Variants in LRIG1 observed in about 807,000 individuals in gnomAD.
LRIG1 encodes the protein leucine rich repeats and immunoglobulin like domains 1, also known as leucine-rich repeats and immunoglobulin-like domains protein 1.
In LRIG1, 48 loss-of-function variants were observed where a neutral mutation model predicts 99.2. The observed-to-expected ratio is 0.48, with a 90% CI of 0.38 to 0.62. The LOEUF is 0.62. Ranked by LOEUF, LRIG1 falls within the 20% of genes least tolerant of loss-of-function variation. LRIG1 has a pLI of 0.00. For synonymous variants in LRIG1, 772 were observed against 596.1 expected (o/e 1.29, Z -4.30); for missense variants, 1,646 against 1,434.4 (o/e 1.15, Z -2.38).
At position 66,423,753 on chromosome 3, in the gene LRIG1, T is replaced by C. The variant is rs528917316; in HGVS notation, c.366-6487A>G. On this transcript the variant is annotated intron_variant, in intron 3 of 18. Transcript: ENST00000273261. ...GAACAATATGCCTTGAGTGTCTTCC[T>C]GCCCAGGTTCAAATCCCAGCTATCC... Among the ~76,000 whole-genome samples, 10 of 152,322 alleles carry C rather than the reference T, an allele frequency of 6.6e-5. No individual in the cohort carries two copies. The East Asian group carries it at 1.5e-3, about 24-fold the overall frequency.
intron 1 of LRIG1, among the ~76,000 whole-genome samples, chr3:66,491,093 A>G (rs1043125247): frequency 6.6e-6 from 1 of 151,984 alleles, no homozygotes; most frequent in Admixed American, 6.5e-5. Context: ...GGGTTCCAGG[A>G]ACCTAGTTCT....
Position 66,381,506 on chromosome 3 carries a change from C to G in LRIG1, c.2743G>C (p.Glu915Gln). The part of the protein sequence containing the change: ...KEPWKAMEKA[E>Q]GTPGPHKMEH... ...ATCTTATGTGGCCCAGGTGTCCCTTCAGCTTTCTCCATCGCTTTCCACGGC... is the reference window on the plus strand; with the variant it reads ...ATCTTATGTGGCCCAGGTGTCCCTTGAGCTTTCTCCATCGCTTTCCACGGC... Residue 915 changes from glutamate (E) to glutamine (Q), a missense_variant, in exon 17 of 19, where the codon GAA (glutamate) becomes CAA (glutamine). Transcript: ENST00000273261. 1 of 1,614,002 alleles carries G rather than the reference C, an allele frequency of 6.2e-7. No homozygotes were observed. The highest frequency in any genetic ancestry group is 1.6e-4 in the Middle Eastern group (1 of 6,062).
intron 1 of LRIG1, among the ~76,000 whole-genome samples, chr3:66,475,071 A>C (rs1255212071): frequency 6.6e-6 from 1 of 152,204 alleles, no homozygotes; most frequent in Non-Finnish European, 1.5e-5. Flanking sequence ...GGTCATACCA[A>C]ATTGAGACAT....
intron 3 of LRIG1, among the ~76,000 whole-genome samples, chr3:66,435,080 C>T (rs1277027519): frequency 6.9e-6 from 1 of 145,802 alleles, no homozygotes; most frequent in Non-Finnish European, 1.5e-5. Flanking sequence ...TACGGCACAT[C>T]CATATTATGG....
intron 2 of LRIG1, among the ~76,000 whole-genome samples, chr3:66,454,631 G>C (rs1230442995): frequency 1.3e-5 from 2 of 152,120 alleles, no homozygotes; most frequent in African/African-American, 4.8e-5. Context: ...GGATTAAGAA[G>C]TGCCTCAGAT....
chr3:66,407,532 T>A, intron 7 of LRIG1, 41 bp from the exon 8 acceptor site: 2 of 1,605,830 alleles, frequency 1.2e-6, no homozygotes, highest in Non-Finnish European at 1.7e-6. Flanking sequence ...TCTAGTGTGG[T>A]TGCCCCCCAA....
intron 3 of LRIG1, among the ~76,000 whole-genome samples, chr3:66,427,158 G>A (rs1290122661): frequency 1.3e-5 from 2 of 152,226 alleles, no homozygotes; most frequent in Admixed American, 6.5e-5. Context: ...ACACCCTGCA[G>A]CACTCTGCCC....
intron 3 of LRIG1, among the ~76,000 whole-genome samples, chr3:66,438,179 C>T (rs1018081458): frequency 3.3e-5 from 5 of 152,156 alleles, no homozygotes; most frequent in African/African-American, 1.2e-4. Context: ...GATTTGGCAC[C>T]GGACCCGAAG....
chr3:66,478,378 G>C (rs140016295), intron 1 of LRIG1, among the ~76,000 whole-genome samples: 1 of 152,136 alleles, frequency 6.6e-6, no homozygotes, highest in Non-Finnish European at 1.5e-5. Context: ...GGAGTTTCAG[G>C]GACATGAGAA....
intron 10 of LRIG1, among the ~76,000 whole-genome samples, chr3:66,398,512 A>C (rs771525340): frequency 2.6e-5 from 4 of 152,220 alleles, no homozygotes; most frequent in Admixed American, 6.5e-5. Flanking sequence ...CAACAGCATG[A>C]CTGTCTCGGG....
In LRIG1 at chr3:66,394,296, T is replaced by C. The variant is rs1701756221; in HGVS notation, c.1305-93A>G. ...CAATGATCAGTCGCCTCCAATCAGC[T>C]TCTCAAGTGAACATCAGCAAGCTGG... On this transcript the variant is annotated intron_variant, in intron 11 of 18. Coordinates refer to ENST00000273261, the MANE Select transcript of LRIG1 (RefSeq NM_015541.3). The C allele has an allele frequency of 2.7e-6, 3 of 1,114,014 alleles. No homozygotes were observed. The Admixed American group carries it at 9.2e-5, about 34-fold the overall frequency. 69.0% of individuals were successfully genotyped at this position (1,114,014 alleles called of 1,614,324 possible). A position where few individuals can be genotyped will look rare whatever the true frequency, so the allele number is the denominator to read the frequency against.
At chr3:66,477,073 A>G (rs1474225844) in intron 1 of LRIG1, among the ~76,000 whole-genome samples, 1 of 152,224 alleles carries the variant, frequency 6.6e-6, no homozygotes, top group East Asian at 1.9e-4. Flanking sequence ...GGGTGTGGTC[A>G]GTTTTATTTT....
intron 1 of LRIG1, among the ~76,000 whole-genome samples, chr3:66,482,373 T>A (rs1575726669): frequency 6.6e-6 from 1 of 152,224 alleles, no homozygotes; most frequent in Non-Finnish European, 1.5e-5. Context: ...TGTACTGGGC[T>A]GAGCATCAAC....
At chr3:66,409,988 G>T in intron 7 of LRIG1, 141 bp downstream of exon 7, 2 of 795,248 alleles carry the variant, frequency 2.5e-6, no homozygotes, top group Non-Finnish European at 3.9e-6. Context: ...CCCTGGGCCT[G>T]GCTGGTTTGG....
chr3:66,494,805 C>T (rs1366668845), intron 1 of LRIG1, among the ~76,000 whole-genome samples: 9 of 152,176 alleles, frequency 5.9e-5, no homozygotes, highest in Admixed American at 2.0e-4. Context: ...ATTTTTTCTG[C>T]AATCTTTATT....
chr3:66,393,619 C>T (rs994686979), intron 12 of LRIG1, among the ~76,000 whole-genome samples: 3 of 152,242 alleles, frequency 2.0e-5, no homozygotes, highest in Non-Finnish European at 4.4e-5. Flanking sequence ...ATTTTTACTA[C>T]AGCAACTGTT....
intron 3 of LRIG1, among the ~76,000 whole-genome samples, chr3:66,446,249 C>T (rs1703717723): frequency 6.6e-6 from 1 of 152,042 alleles, no homozygotes; most frequent in African/African-American, 2.4e-5. Flanking sequence ...CCCAGGGCTT[C>T]GTCCACTCTT....
intron 9 of LRIG1, among the ~76,000 whole-genome samples, chr3:66,401,991 CCA>C (rs1447863088): frequency 3.9e-5 from 6 of 152,142 alleles, no homozygotes; most frequent in Non-Finnish European, 8.8e-5. Flanking sequence ...CGCTTCCCAC[CCA>C]CACACACAAT....
chr3:66,448,811 G>A (rs532094939), intron 3 of LRIG1, among the ~76,000 whole-genome samples: 1 of 152,286 alleles, frequency 6.6e-6, no homozygotes, highest in African/African-American at 2.4e-5. Flanking sequence ...AGAATTTGAG[G>A]ATTAAGGACT....
Sources: allele counts gnomAD v4.1 joint callset (sites outside exome capture counted in the v4.1 genomes callset), GRCh38; gene constraint gnomAD v4.1.1; transcripts MANE v1.5; gene names NCBI Gene and HGNC (gene_info 2026-07-23, HGNC 2026-07-21).